C6orf62: variants seen among roughly 807,000 people sequenced by gnomAD.
The protein encoded by C6orf62 is chromosome 6 open reading frame 62, also known as uncharacterized protein C6orf62.
C6orf62 carries 16 observed loss-of-function variants against 26.8 expected under a neutral mutation model. The ratio of observed to expected loss-of-function variants is 0.60; its 90% CI spans 0.40 to 0.91. The LOEUF is 0.91. Among genes scored for constraint, C6orf62 ranks in the 40% least tolerant of loss-of-function variants. C6orf62 has a pLI of 0.00. For missense variants in C6orf62, 192 were observed against 271.4 expected (o/e 0.71, Z 2.06); for synonymous variants, 112 against 91.5 (o/e 1.22, Z -1.28).
upstream of C6orf62, chr6:24,720,132 G>A (rs1035301760): frequency 7.2e-7 from 1 of 1,389,896 alleles, no homozygotes; most frequent in African/African-American, 1.5e-5. Context: ...TTCCCGAGGG[G>A]CAGGGGGTGG....
Position 24,708,929 on chromosome 6 carries a change from C to A in C6orf62, c.430-18G>T. The A allele has an allele frequency of 6.2e-7, 1 of 1,613,786 alleles. No homozygotes were observed. The highest frequency in any genetic ancestry group is 8.5e-7 in the Non-Finnish European group (1 of 1,179,828). On this transcript the variant is annotated intron_variant, in intron 3 of 4. Transcript: ENST00000378119. ...AATTTGGCCTAATTACAAAATACAACATTTATATTAAACTACAAACAAGTT... is the reference window on the plus strand; with the variant it reads ...AATTTGGCCTAATTACAAAATACAAAATTTATATTAAACTACAAACAAGTT...
In C6orf62 at chr6:24,718,991, C is replaced by T. The variant is rs887957874; in HGVS notation, c.-323G>A. On this transcript the variant is annotated 5_prime_UTR_variant, in exon 1 of 5. Coordinates refer to ENST00000378119, the MANE Select transcript of C6orf62 (RefSeq NM_030939.5). ...TGGAAAACACATTTGGCTTAACTGC[C>T]AAAATAAAGGCTTTGCGGAGAAATG... 1.7e-5 allele frequency: 19 copies of T among 1,139,346 alleles called. No individual in the cohort carries two copies. Among genetic ancestry groups the T allele is most frequent in the South Asian group, 8.1e-5 (4 of 49,328 alleles). 70.6% of individuals were successfully genotyped at this position (1,139,346 alleles called of 1,614,324 possible).
upstream of C6orf62, chr6:24,719,711 G>T (rs1321265922): frequency 4.7e-6 from 7 of 1,502,384 alleles, no homozygotes; most frequent in African/African-American, 1.4e-5. Context: ...GTTCAAAATG[G>T]TGGGGAGTGC....
intron 3 of C6orf62, chr6:24,709,121 C>T (rs1581394270): frequency 2.1e-6 from 2 of 975,084 alleles, no homozygotes; most frequent in Non-Finnish European, 2.4e-6. Context: ...TTCAGTAGCA[C>T]TAGCCACATT....
rs761346606 is a variant in C6orf62, at chr6:24,708,794, C to T, written c.547G>A (p.Asp183Asn). 1 of 1,614,178 alleles carries T rather than the reference C, an allele frequency of 6.2e-7. No homozygotes were observed. The highest frequency in any genetic ancestry group is 8.5e-7 in the Non-Finnish European group (1 of 1,180,032). The change falls in exon 4 of 5, where the codon GAC becomes AAC. Residue 183 changes from aspartate (D) to asparagine (N), a missense_variant. Physicochemically the swap from Asp to Asn is conservative, Grantham distance 23. Coordinates refer to ENST00000378119, the MANE Select transcript of C6orf62 (RefSeq NM_030939.5). ...NPNQSVFLFI[D>N]RQHLQTPKNK... is the part of the protein sequence containing the mutation. The stretch of plus-strand genomic sequence containing the variant: ...CTGCTTACCTGCAAGTGCTGTCTGT[C>T]AATGAAGAGAAACACTGACTGGTTA...
At chr6:24,719,155 CAAAAAAAA>C (rs5875002), upstream of C6orf62, 619 of 877,380 alleles carry the variant, frequency 7.1e-4, 8 homozygotes, top group East Asian at 0.075. Flanking sequence ...CCTTGCTTTC[CAAAAAAAA>C]AAAAAAAAAA....
intron 1 of C6orf62, 110 bp from the exon 2 acceptor site, chr6:24,716,434 G>T: frequency 1.3e-6 from 1 of 741,610 alleles, no homozygotes; most frequent in Non-Finnish European, 2.2e-6. Context: ...TTAACTGTCT[G>T]CAGTAACTTA....
At chr6:24,713,607 C>T (rs1276475886) in intron 3 of C6orf62, among the ~76,000 whole-genome samples, 3 of 151,968 alleles carry the variant, frequency 2.0e-5, no homozygotes, top group East Asian at 1.9e-4. Context: ...TTAAGAAAAT[C>T]GTGGCAATCT....
chr6:24,719,442 C>G, upstream of C6orf62: 1 of 1,077,606 alleles, frequency 9.3e-7, no homozygotes, highest in Non-Finnish European at 1.1e-6. Context: ...CGGGGGCGGG[C>G]AGCTGTGGCC....
intron 1 of C6orf62, among the ~76,000 whole-genome samples, chr6:24,716,754 A>ACT (rs1368869423): frequency 6.6e-6 from 1 of 151,062 alleles, no homozygotes; most frequent in Non-Finnish European, 1.5e-5. Context: ...ATGGAGTCTC[A>ACT]CTGTGTTGCC....
chr6:24,710,665 A>G, intron 3 of C6orf62: 1 of 974,172 alleles, frequency 1.0e-6, no homozygotes, highest in Non-Finnish European at 1.2e-6. Context: ...TTTAAAGATT[A>G]AGAGGATTTC....
At chr6:24,715,438 T>C (rs1779202036) in intron 2 of C6orf62, among the ~76,000 whole-genome samples, 3 of 152,164 alleles carry the variant, frequency 2.0e-5, no homozygotes, top group African/African-American at 7.2e-5. Context: ...TAATACACAA[T>C]ATTATGAGCC....
chr6:24,707,172 TTTAAATGTAACAACCTTACG>T (rs1273625994), intron 4 of C6orf62: 1 of 152,196 alleles, frequency 6.6e-6, no homozygotes, highest in Non-Finnish European at 1.5e-5. Flanking sequence ...ATTAGTTAAT[TTTAAATGTAACAACCTTACG>T]TTAAATTTAA....
chr6:24,720,449 C>T, upstream of C6orf62: 1 of 1,082,290 alleles, frequency 9.2e-7, no homozygotes, highest in African/African-American at 1.6e-5. Flanking sequence ...TAGTCTGGCT[C>T]GGCGCCCTGG....
In C6orf62 at chr6:24,706,024, G is replaced by A; in HGVS notation, c.*113C>T. 7.1e-7 allele frequency: 1 copy of A among 1,404,198 alleles called. No homozygotes were observed. The highest frequency in any genetic ancestry group is 9.5e-7 in the Non-Finnish European group (1 of 1,054,722). 87.0% of individuals were successfully genotyped at this position (1,404,198 alleles called of 1,614,324 possible). A position where few individuals can be genotyped will look rare whatever the true frequency, so the allele number is the denominator to read the frequency against. On this transcript the variant is annotated 3_prime_UTR_variant, in exon 5 of 5. Coordinates refer to ENST00000378119, the MANE Select transcript of C6orf62 (RefSeq NM_030939.5). ...ATGAACAAGTTTCAAAATGCATAGT[G>A]TTCTGTGCATGAGTCCATTTTCTTT... is the stretch of plus-strand genomic sequence containing the variant.
chr6:24,720,012 A>AGGGGGGGGGGC, upstream of C6orf62: 1 of 1,463,280 alleles, frequency 6.8e-7, no homozygotes, highest in Non-Finnish European at 9.1e-7. Context: ...TTCTAAAGTA[A>AGGGGGGGGGGC]GCCCACCCAC....
upstream of C6orf62, chr6:24,719,783 G>A: frequency 6.5e-7 from 1 of 1,546,608 alleles, no homozygotes; most frequent in Non-Finnish European, 8.7e-7. Flanking sequence ...CAAATCCCAG[G>A]CGGTGCCCGG....
upstream of C6orf62, chr6:24,720,536 G>A (rs1195970109): frequency 1.5e-5 from 5 of 331,014 alleles, no homozygotes; most frequent in Non-Finnish European, 2.2e-5. Context: ...CAAAGAGAAA[G>A]ATGGGGAGTT....
chr6:24,706,323 G>A (rs1195420070), intron 4 of C6orf62, 61 bp from the exon 5 acceptor site: 20 of 1,588,134 alleles, frequency 1.3e-5, no homozygotes, highest in Middle Eastern at 1.8e-4. Context: ...ACTGTCACAT[G>A]AAGTCCATTT....
Sources: gnomAD v4.1 joint callset for allele counts (sites outside exome capture counted in the v4.1 genomes callset) on GRCh38, gnomAD v4.1.1 for gene constraint, MANE v1.5 for transcripts, NCBI Gene and HGNC (gene_info 2026-07-23, HGNC 2026-07-21) for gene names.